MAPK13: variants seen among roughly 807,000 people sequenced by gnomAD.
MAPK13 encodes mitogen-activated protein kinase 13, also known as MAP kinase 13.
A neutral mutation model predicts 53.5 loss-of-function variants in MAPK13; 39 were observed. That is an observed-to-expected ratio of 0.73 (90% CI 0.56 to 0.95). The LOEUF is 0.95. Ranked by LOEUF, MAPK13 falls within the 40% of genes least tolerant of loss-of-function variation. MAPK13 has a pLI of 0.00. For missense variants in MAPK13, 460 were observed against 471.8 expected (o/e 0.98, Z 0.23); for synonymous variants, 179 against 190.9 (o/e 0.94, Z 0.51).
intron 5 of MAPK13, 76 bp from the exon 6 acceptor site, chr6:36,136,408 C>A (rs376296274): frequency 2.3e-6 from 3 of 1,323,978 alleles, no homozygotes; most frequent in East Asian, 2.4e-5. Context: ...TGAGGTCACA[C>A]CCCTGGGTGG....
intron 3 of MAPK13, 52 bp from the exon 4 acceptor site, chr6:36,135,701 C>G: frequency 7.4e-7 from 1 of 1,349,208 alleles, no homozygotes; most frequent in Non-Finnish European, 1.1e-6. Context: ...GAGCTCTGAC[C>G]TGGGGCTGGG....
rs1340292657 is a variant in MAPK13, at chr6:36,140,348, T to C, written c.*975T>C. On this transcript the variant is annotated 3_prime_UTR_variant, in exon 12 of 12. Transcript: ENST00000211287. ...TTGATGGCAAACCGTTCTGCTCCCT[T>C]TGGGAGATGGCACAGCTCTCCAGAG... 1 of 152,776 alleles carries C rather than the reference T, an allele frequency of 6.5e-6. No homozygotes were observed. Among genetic ancestry groups the C allele is most frequent in the Non-Finnish European group, 1.5e-5 (1 of 68,072 alleles). 9.5% of individuals were successfully genotyped at this position (152,776 alleles called of 1,614,324 possible).
chr6:36,130,599 A>G lies in MAPK13; in HGVS notation c.17A>G (p.Lys6Arg), dbSNP rs761126232. 1 of 1,574,684 alleles carries G rather than the reference A, an allele frequency of 6.4e-7. No individual in the cohort carries two copies. The highest frequency in any genetic ancestry group is 8.6e-7 in the Non-Finnish European group (1 of 1,161,542). Residue 6 changes from lysine (K) to arginine (R), a missense_variant, in exon 1 of 12, where the codon AAA (lysine) becomes AGA (arginine). Physicochemically the swap from Lys to Arg is conservative, Grantham distance 26 (BLOSUM62 2). Transcript: ENST00000211287. The surrounding 1 kb of genome is among the most constrained non-coding windows in gnomAD (Gnocchi z 4.5). MSLIRKKGFYKQDVNK... is the reference protein window; with the variant it reads MSLIRRKGFYKQDVNK... ...GTGCCCGGGATGAGCCTCATCCGGA[A>G]AAAGGGCTTCTACAAGCAGGACGTC...
chr6:36,136,536 GT>G lies in MAPK13; in HGVS notation c.495+6del. 1 of 1,603,230 alleles carries G rather than the reference GT, an allele frequency of 6.2e-7. No homozygotes were observed. Among genetic ancestry groups the G allele is most frequent in the Non-Finnish European group, 8.5e-7 (1 of 1,174,690 alleles). On this transcript the variant is annotated splice_donor_region_variant and intron_variant, in intron 6 of 11. Transcript: ENST00000211287. ...AATGAGGACTGTGAACTGAAGGTGA[GT>G]GGGCTGCAGGCTCAGCCCAGAGGCG...
rs536434761 is a variant in MAPK13, at chr6:36,132,038, C to G, written c.250-583C>G. On this transcript the variant is annotated intron_variant, in intron 2 of 11. Coordinates refer to ENST00000211287, the MANE Select transcript of MAPK13 (RefSeq NM_002754.5). ...AGGGCCTGGCAGCCAGGCTTTGCTG[C>G]AGGATACCTAGATTGGAGGGCAGAC... Among the ~76,000 whole-genome samples, 274 of 152,342 alleles carry G rather than the reference C, an allele frequency of 1.8e-3. 1 individual carries two copies. Among genetic ancestry groups the G allele is most frequent in the African/African-American group, 6.3e-3 (264 of 41,584 alleles).
rs1392726837 is a variant in MAPK13 at position 36,136,646 on chromosome 6, T to C, written c.496-10T>C. On this transcript the variant is annotated splice_polypyrimidine_tract_variant and intron_variant, in intron 6 of 11. Coordinates refer to ENST00000211287, the MANE Select transcript of MAPK13 (RefSeq NM_002754.5). ...GCAAGTTCCTTTTCTATTTATCCCC[T>C]GTGCCATAGATTCTGGATTTTGGGC... 4 of 1,611,588 alleles carry C rather than the reference T, an allele frequency of 2.5e-6. No individual in the cohort carries two copies. The highest frequency in any genetic ancestry group is 2.5e-6 in the Non-Finnish European group (3 of 1,178,774).
intron 9 of MAPK13, 21 bp from the exon 10 acceptor site, chr6:36,138,681 T>G (rs770965093): frequency 1.9e-6 from 3 of 1,611,954 alleles, no homozygotes; most frequent in Middle Eastern, 1.7e-4. Context: ...CTAAGGGGTT[T>G]GATGCTTTTC....
rs1766587982 is a variant in MAPK13, at chr6:36,144,166, C to CTAAT, written c.*4795_*4798dup. The stretch of plus-strand genomic sequence containing the variant: ...TATAGGCATGCACCACCATGCCTGG[C>CTAAT]TAATTTCAGAATAATATTTTCATAC... On this transcript the variant is annotated 3_prime_UTR_variant, in exon 12 of 12. Coordinates refer to ENST00000211287, the MANE Select transcript of MAPK13 (RefSeq NM_002754.5). 1.3e-5 allele frequency: 2 copies of CTAAT among 152,030 alleles called. No individual in the cohort carries two copies. The highest frequency in any genetic ancestry group is 4.8e-5 in the African/African-American group (2 of 41,378). The allele number at this position is 152,030 out of a possible 1,614,324, so 9.4% of individuals were successfully genotyped here. A position where few individuals can be genotyped will look rare whatever the true frequency, so the allele number is the denominator to read the frequency against.
rs773092204 is a variant in MAPK13, at chr6:36,136,891, C to T, written c.623C>T (p.Ser208Phe). Reference sequence around the variant, plus strand: ...CCTCCCTCTGCAGTGGACATCTGGTCTGTGGGCTGTATCATGGCAGAGATG... The same window carrying T: ...CCTCCCTCTGCAGTGGACATCTGGTTTGTGGGCTGTATCATGGCAGAGATG... Reference protein sequence around the residue: ...MHYNQTVDIWSVGCIMAEMLT... With the variant: ...MHYNQTVDIWFVGCIMAEMLT... Residue 208 changes from serine to phenylalanine, a missense_variant, in exon 8 of 12, where the codon TCT (serine) becomes TTT (phenylalanine). Transcript: ENST00000211287. 14 of 1,614,192 alleles carry T rather than the reference C, an allele frequency of 8.7e-6. No homozygotes were observed. In the South Asian group the frequency reaches 1.4e-4, roughly 16 times the overall value.
At position 36,138,369 on chromosome 6, in the gene MAPK13, G is replaced by A; in HGVS notation, c.687G>A (p.Leu229=). 1 of 1,613,932 alleles carries A rather than the reference G, an allele frequency of 6.2e-7. No homozygotes were observed. The highest frequency in any genetic ancestry group is 1.7e-5 in the Admixed American group (1 of 60,020). ...GKTLFKGKDY[L]DQLTQILKVT... ...AAGCCTTAACCTGCCACCAAGACCTGGACCAGCTGACCCAGATCCTGAAAG... is the reference window on the plus strand; with the variant it reads ...AAGCCTTAACCTGCCACCAAGACCTAGACCAGCTGACCCAGATCCTGAAAG... Residue 229 remains leucine (L), a synonymous_variant, in exon 9 of 12, where the codon CTG becomes CTA. Coordinates refer to ENST00000211287, the MANE Select transcript of MAPK13 (RefSeq NM_002754.5).
chr6:36,136,598 G>A lies in MAPK13; in HGVS notation c.496-58G>A, dbSNP rs1014986500. On this transcript the variant is annotated intron_variant, in intron 6 of 11. Coordinates refer to ENST00000211287, the MANE Select transcript of MAPK13 (RefSeq NM_002754.5). The stretch of plus-strand genomic sequence containing the variant: ...TCCCCCAGGGAAGCCCCTGGAAGCC[G>A]CTCCCAGAGCCTCCTCCCCTCAGCA... 91 of 1,604,560 alleles carry A rather than the reference G, an allele frequency of 5.7e-5. No homozygotes were observed. The South Asian group carries it at 8.2e-4, about 15-fold the overall frequency.
chr6:36,138,353 C>A lies in MAPK13; in HGVS notation c.683-12C>A, dbSNP rs1766461542. ...CCAGGAGAGCAAGGCTAAGCCTTAA[C>A]CTGCCACCAAGACCTGGACCAGCTG... On this transcript the variant is annotated splice_polypyrimidine_tract_variant and intron_variant, in intron 8 of 11. Coordinates refer to ENST00000211287, the MANE Select transcript of MAPK13 (RefSeq NM_002754.5). 6.2e-7 allele frequency: 1 copy of A among 1,612,858 alleles called. No individual in the cohort carries two copies. Among genetic ancestry groups the A allele is most frequent in the Admixed American group, 1.7e-5 (1 of 59,992 alleles).
At chr6:36,131,057 TCGCAATGAGACGTTGCTGCCCCTGG>T in intron 1 of MAPK13, 189 bp from the exon 2 acceptor site, 2 of 565,096 alleles carry the variant, frequency 3.5e-6, no homozygotes. Context: ...GTGGATCCCG[TCGCAATGAGACGTTGCTGCCCCTGG>T]CGCTGTGCCC....
rs1049201879 is a variant in MAPK13, at chr6:36,142,802, T to TC, written c.*3432dup. 1.3e-5 allele frequency: 2 copies of TC among 148,568 alleles called. No homozygotes were observed. The highest frequency in any genetic ancestry group is 4.9e-5 in the African/African-American group (2 of 40,762). 9.2% of individuals were successfully genotyped at this position (148,568 alleles called of 1,614,324 possible). A position where few individuals can be genotyped will look rare whatever the true frequency, so the allele number is the denominator to read the frequency against. ...CACTCCGGAATTAAACCTCAGCCCC[T>TC]CCCACAGAGTTTTCTCAAATCTGTG... On this transcript the variant is annotated 3_prime_UTR_variant, in exon 12 of 12. Coordinates refer to ENST00000211287, the MANE Select transcript of MAPK13 (RefSeq NM_002754.5). The surrounding 1 kb of genome is among the most constrained non-coding windows in gnomAD (Gnocchi z 4.4).
At chr6:36,135,082 G>A (rs756774128) in intron 3 of MAPK13, among the ~76,000 whole-genome samples, 2 of 152,232 alleles carry the variant, frequency 1.3e-5, no homozygotes, top group Non-Finnish European at 2.9e-5. Context: ...TAAACTCTTC[G>A]CCTCAAGCGA....
chr6:36,135,649 GGT>G (rs1003560233), intron 3 of MAPK13, 102 bp from the exon 4 acceptor site: 1 of 718,806 alleles, frequency 1.4e-6, no homozygotes, highest in African/African-American at 1.8e-5. Context: ...CACACTGGAG[GGT>G]GTCTCTATGA....
At chr6:36,137,040 G>A (rs1201563046) in intron 8 of MAPK13, 90 bp downstream of exon 8, 1 of 1,126,188 alleles carries the variant, frequency 8.9e-7, no homozygotes, top group Non-Finnish European at 1.3e-6. Flanking sequence ...TTTTCTTAAT[G>A]TGAGAGTGAT....
Position 36,138,965 on chromosome 6 carries a change from C to A in MAPK13, c.928C>A (p.Pro310Thr), listed in dbSNP as rs1188463612. The A allele has an allele frequency of 6.2e-7, 1 of 1,614,008 alleles. No individual in the cohort carries two copies. Among genetic ancestry groups the A allele is most frequent in the Admixed American group, 1.7e-5 (1 of 59,944 alleles). ...AQALTHPFFEPFRDPEEETEA... is the reference protein window; with the variant it reads ...AQALTHPFFETFRDPEEETEA... Reference sequence around the variant, plus strand: ...GGCCCTCACCCATCCCTTCTTTGAACCCTTCCGGGACCCTGAGGAAGAGAC... The same window carrying A: ...GGCCCTCACCCATCCCTTCTTTGAAACCTTCCGGGACCCTGAGGAAGAGAC... The change falls in exon 11 of 12, where the codon CCC (proline) becomes ACC (threonine). Residue 310 changes from proline to threonine, a missense_variant. Physicochemically the swap from Pro to Thr is conservative, Grantham distance 38. Transcript: ENST00000211287.
In MAPK13 at chr6:36,139,534, T is replaced by A; in HGVS notation, c.*161T>A. 8.1e-6 allele frequency: 5 copies of A among 616,558 alleles called. No individual in the cohort carries two copies. The highest frequency in any genetic ancestry group is 1.4e-5 in the Non-Finnish European group (5 of 346,804). 38.2% of individuals were successfully genotyped at this position (616,558 alleles called of 1,614,324 possible). A position where few individuals can be genotyped will look rare whatever the true frequency, so the allele number is the denominator to read the frequency against. ...GCCTAGTAGATGCAGAATTCAAAGA[T>A]GTCGGTTGGGAGAAACTAGCTCTGA... On this transcript the variant is annotated 3_prime_UTR_variant, in exon 12 of 12. Coordinates refer to ENST00000211287, the MANE Select transcript of MAPK13 (RefSeq NM_002754.5).
Sources: allele counts gnomAD v4.1 joint callset (sites outside exome capture counted in the v4.1 genomes callset), GRCh38; gene constraint gnomAD v4.1.1; non-coding constraint Gnocchi (gnomAD v3.1); transcripts MANE v1.5; gene names NCBI Gene and HGNC (gene_info 2026-07-23, HGNC 2026-07-21).